Variants in RPS6KA2 observed in about 807,000 individuals in gnomAD.
RPS6KA2 encodes ribosomal protein S6 kinase alpha-2.
In RPS6KA2, 42 loss-of-function variants were observed where a neutral mutation model predicts 91.8. The ratio of observed to expected loss-of-function variants is 0.46; its 90% CI spans 0.36 to 0.59. The LOEUF (loss-of-function observed/expected upper bound fraction) is 0.59, where lower values mean the gene tolerates loss of function less well. RPS6KA2 is among the 20% of genes least tolerant of loss of function. The pLI is 0.00. For synonymous variants in RPS6KA2, 414 were observed against 393.6 expected, an observed-to-expected ratio of 1.05 and a Z score of -0.61; for missense variants, 798 against 978.5, an observed-to-expected ratio of 0.82 and a Z score of 2.46.
Position 166,738,000 on chromosome 6 carries a change from T to C in RPS6KA2, c.123+120200A>G, listed in dbSNP as rs1359660331. Among the ~76,000 whole-genome samples the C allele has an allele frequency of 1.3e-5, 2 of 152,234 alleles. No individual in the cohort carries two copies. Among genetic ancestry groups the C allele is most frequent in the East Asian group, 3.9e-4 (2 of 5,194 alleles). ...ATTGTTTACATCCTCCTAGAATTTA[T>C]ATGCATTCATACCATATTGTATTCA... On this transcript the variant is annotated intron_variant, in intron 2 of 21. Coordinates refer to the RPS6KA2 transcript ENST00000503859. This position sits in a 1 kb window ranked among gnomAD's most constrained non-coding sequence, Gnocchi z 4.3.
At position 166,736,093 on chromosome 6, in the gene RPS6KA2, G is replaced by T. The variant is rs531068160; in HGVS notation, c.123+122107C>A. 5.9e-4 allele frequency among the ~76,000 whole-genome samples: 90 copies of T among 152,340 alleles called. 1 individual carries two copies. Among genetic ancestry groups the T allele is most frequent in the East Asian group, 3.9e-4 (2 of 5,194 alleles). On this transcript the variant is annotated intron_variant, in intron 2 of 21. Transcript: ENST00000503859. Reference sequence around the variant, plus strand: ...TTCTAGTTATTTATCACCTAAGTAAGGCTGAACATATACAAGTAAGTTGGA... The same window carrying T: ...TTCTAGTTATTTATCACCTAAGTAATGCTGAACATATACAAGTAAGTTGGA...
At chr6:166,708,551 A>G (rs953206379) in intron 2 of RPS6KA2, among the ~76,000 whole-genome samples, 17 of 152,238 alleles carry the variant, frequency 1.1e-4, no homozygotes, top group African/African-American at 3.6e-4. Context: ...CTTCCTTGCA[A>G]CTTCCATTCC....
chr6:166,756,090 A>G (rs933003571), intron 2 of RPS6KA2, among the ~76,000 whole-genome samples: 1 of 152,096 alleles, frequency 6.6e-6, no homozygotes, highest in Non-Finnish European at 1.5e-5. Context: ...GGAGATGGAG[A>G]CCATCCTGGC....
At chr6:166,673,498 C>T (rs1788537974) in intron 2 of RPS6KA2, among the ~76,000 whole-genome samples, 1 of 152,180 alleles carries the variant, frequency 6.6e-6, no homozygotes, top group African/African-American at 2.4e-5. Context: ...CAACTCTGCA[C>T]AGCCCTACGG....
chr6:166,627,328 C>A, upstream of RPS6KA2: 2 of 643,762 alleles, frequency 3.1e-6, no homozygotes, highest in South Asian at 6.5e-5. Context: ...GCTCCGCGCC[C>A]CGGCACGCAC....
chr6:166,485,643 A>G (rs6456088), intron 10 of RPS6KA2, among the ~76,000 whole-genome samples: 80,849 of 152,056 alleles, frequency 0.53, 23,102 homozygotes, highest in African/African-American at 0.75. Flanking sequence ...CACGCTTCTC[A>G]ACTTGCATCT....
chr6:166,787,685 A>G lies in RPS6KA2; in HGVS notation c.123+70515T>C, dbSNP rs149216414. Among the ~76,000 whole-genome samples the G allele has an allele frequency of 2.6e-3, 391 of 152,352 alleles. 2 individuals carry two copies. The highest frequency in any genetic ancestry group is 8.8e-3 in the African/African-American group (367 of 41,584). On this transcript the variant is annotated intron_variant, in intron 2 of 21. Coordinates refer to the RPS6KA2 transcript ENST00000503859. ...TATGAAAATTAACTCAAGATGGAGT[A>G]AAGACTTAGATGTAAAACCCAAAGC...
chr6:166,475,828 C>T (rs1780952378), intron 10 of RPS6KA2: 2 of 520,492 alleles, frequency 3.8e-6, no homozygotes, highest in African/African-American at 2.2e-5. Context: ...GGGCAGAGGG[C>T]CGTTTTCTCA....
chr6:166,740,509 CA>C (rs1210437471), intron 2 of RPS6KA2, among the ~76,000 whole-genome samples: 2 of 152,082 alleles, frequency 1.3e-5, no homozygotes, highest in Non-Finnish European at 2.9e-5. Context: ...AACAATTTAA[CA>C]ATAAGGAAGA....
intron 15 of RPS6KA2, among the ~76,000 whole-genome samples, chr6:166,432,152 G>T (rs1207371189): frequency 6.6e-6 from 1 of 152,162 alleles, no homozygotes; most frequent in African/African-American, 2.4e-5. Flanking sequence ...TCCGCCTGTG[G>T]ACTGTAATTC....
intron 2 of RPS6KA2, chr6:166,701,578 C>G (rs1480711853): frequency 3.6e-6 from 5 of 1,404,638 alleles, no homozygotes; most frequent in Middle Eastern, 2.0e-4. Flanking sequence ...GATGAGGGCT[C>G]TGACTGATAG....
chr6:166,615,706 C>T (rs746056879), intron 1 of RPS6KA2, among the ~76,000 whole-genome samples: 1 of 152,142 alleles, frequency 6.6e-6, no homozygotes, highest in Non-Finnish European at 1.5e-5. Flanking sequence ...CGATGGTCTC[C>T]GGGACCTCTC....
intron 3 of RPS6KA2, among the ~76,000 whole-genome samples, chr6:166,517,883 C>T (rs1252620216): frequency 6.6e-6 from 1 of 152,176 alleles, no homozygotes; most frequent in African/African-American, 2.4e-5. Context: ...TTGGGCCCAT[C>T]CCTTTATTTC....
intron 2 of RPS6KA2, among the ~76,000 whole-genome samples, chr6:166,661,027 G>A (rs904874081): frequency 1.3e-5 from 2 of 152,144 alleles, no homozygotes; most frequent in Non-Finnish European, 1.5e-5. Flanking sequence ...ATCTTACCTC[G>A]TGTTTCTCAA....
In RPS6KA2 at chr6:166,493,293, C is replaced by T. The variant is rs1781670884; in HGVS notation, c.748-2552G>A. 6.6e-6 allele frequency among the ~76,000 whole-genome samples: 1 copy of T among 152,150 alleles called. No individual in the cohort carries two copies. The highest frequency in any genetic ancestry group is 6.5e-5 in the Admixed American group (1 of 15,278). On this transcript the variant is annotated intron_variant, in intron 8 of 20. Transcript: ENST00000265678. The surrounding 1 kb of genome is among the most constrained non-coding windows in gnomAD (Gnocchi z 4.7). ...CTCCACCAGCCATGGGGTTCTGCTG[C>T]CTTTCCCATCCCCTTATCCACCCTT...
Position 166,496,884 on chromosome 6 carries a change from T to C in RPS6KA2, c.747+1624A>G, listed in dbSNP as rs1157818685. On this transcript the variant is annotated intron_variant, in intron 8 of 20. Coordinates refer to ENST00000265678, the MANE Select transcript of RPS6KA2 (RefSeq NM_021135.6). Reference sequence around the variant, plus strand: ...ATAAGCTTGGACCCATAGCCCAGCGTCAGCAAAGGCAACATCAGACTTCCC... The same window carrying C: ...ATAAGCTTGGACCCATAGCCCAGCGCCAGCAAAGGCAACATCAGACTTCCC... Among the ~76,000 whole-genome samples, 3 of 152,168 alleles carry C rather than the reference T, an allele frequency of 2.0e-5. No homozygotes were observed. The East Asian group carries it at 5.8e-4, about 29-fold the overall frequency.
At chr6:166,467,690 C>G (rs1780595773) in intron 11 of RPS6KA2, among the ~76,000 whole-genome samples, 2 of 152,214 alleles carry the variant, frequency 1.3e-5, no homozygotes, top group Non-Finnish European at 2.9e-5. Context: ...GTGTGGCTGT[C>G]CTGACCACTT....
chr6:166,478,192 G>A (rs1781051645), intron 10 of RPS6KA2, among the ~76,000 whole-genome samples: 1 of 152,196 alleles, frequency 6.6e-6, no homozygotes, highest in African/African-American at 2.4e-5. Context: ...CAGAGGTGGG[G>A]TCGCGGTGCC....
At chr6:166,674,544 G>C (rs1788567440) in intron 2 of RPS6KA2, among the ~76,000 whole-genome samples, 1 of 152,212 alleles carries the variant, frequency 6.6e-6, no homozygotes, top group African/African-American at 2.4e-5. Flanking sequence ...AAGGGCTTGG[G>C]AATTAGGAAA....
Sources: gnomAD v4.1 joint callset for allele counts (sites outside exome capture counted in the v4.1 genomes callset) on GRCh38, gnomAD v4.1.1 for gene constraint, Gnocchi (gnomAD v3.1) non-coding constraint, MANE v1.5 for transcripts, NCBI Gene and HGNC (gene_info 2026-07-23, HGNC 2026-07-21) for gene names.